The following NLRP11 variants were observed in gnomAD, a reference collection of about 807,000 sequenced individuals.
NLRP11 encodes NLR family pyrin domain containing 11, also known as NACHT, LRR and PYD domains-containing protein 11.
In NLRP11, 53 loss-of-function variants were observed where a neutral mutation model predicts 79.3. The observed-to-expected ratio is 0.67, with a 90% CI of 0.54 to 0.84. The LOEUF is 0.84. Among genes scored for constraint, NLRP11 ranks in the 40% least tolerant of loss-of-function variants. NLRP11 has a pLI of 0.00. For synonymous variants in NLRP11, 518 were observed against 462.6 expected (o/e 1.12, Z -1.54); for missense variants, 1,264 against 1,255.0 (o/e 1.01, Z -0.11).
intron 1 of NLRP11, among the ~76,000 whole-genome samples, chr19:55,819,154 C>G (rs890473568): frequency 8.9e-5 from 13 of 146,536 alleles, no homozygotes; most frequent in African/African-American, 2.1e-4. Flanking sequence ...CACACACACA[C>G]ACACACACAC....
intron 6 of NLRP11, among the ~76,000 whole-genome samples, chr19:55,792,942 C>T (rs1011526151): frequency 7.9e-5 from 12 of 152,132 alleles, no homozygotes; most frequent in Non-Finnish European, 1.6e-4. Flanking sequence ...TTTGTGGTAT[C>T]CCGTTTTGTC....
chr19:55,822,582 G>A (rs1981865004), intron 1 of NLRP11, among the ~76,000 whole-genome samples: 1 of 152,226 alleles, frequency 6.6e-6, no homozygotes, highest in South Asian at 2.1e-4. Flanking sequence ...GAAGCAGGGC[G>A]AGGCATTGCC....
At chr19:55,807,871 C>T (rs759689198) in exon 4 of NLRP11, 2 of 1,611,842 alleles carry the variant, frequency 1.2e-6, no homozygotes, top group Non-Finnish European at 1.7e-6. Flanking sequence ...GCGAAGTTTA[C>T]AGCTAGAATG....
intron 9 of NLRP11, among the ~76,000 whole-genome samples, chr19:55,786,988 A>G (rs1256584528): frequency 1.3e-5 from 2 of 152,230 alleles, no homozygotes; most frequent in Non-Finnish European, 2.9e-5. Flanking sequence ...TAGGGTCTCC[A>G]GCATAGAGTC....
chr19:55,829,158 T>C (rs188063294), intron 1 of NLRP11, among the ~76,000 whole-genome samples: 6 of 151,070 alleles, frequency 4.0e-5, no homozygotes, highest in Admixed American at 4.0e-4. Context: ...AAGTAAGTAA[T>C]AAGAGCTTTT....
chr19:55,829,246 A>G (rs550228244), intron 1 of NLRP11, among the ~76,000 whole-genome samples: 5 of 152,046 alleles, frequency 3.3e-5, no homozygotes, highest in African/African-American at 9.6e-5. Context: ...CACTAGGCAT[A>G]AAGCTTATGG....
At chr19:55,835,981 G>A (rs183969974), upstream of NLRP11, among the ~76,000 whole-genome samples, 6 of 152,308 alleles carry the variant, frequency 3.9e-5, no homozygotes, top group East Asian at 1.9e-4. Flanking sequence ...AAAATTAGCC[G>A]GGCATGGTGG....
chr19:55,796,308 T>TCATTTCATCAAGCTGTAAGAGGAATTCAG, intron 5 of NLRP11, 58 bp from the exon 6 acceptor site: 1 of 1,312,336 alleles, frequency 7.6e-7, no homozygotes, highest in Non-Finnish European at 1.0e-6. Context: ...TCCCCTCTTT[T>TCATTTCATCAAGCTGTAAGAGGAATTCAG]AAATTAAAAA....
intron 5 of NLRP11, among the ~76,000 whole-genome samples, chr19:55,799,458 A>G (rs1979260448): frequency 6.6e-6 from 1 of 152,192 alleles, no homozygotes; most frequent in South Asian, 2.1e-4. Flanking sequence ...AGAGTCCAGG[A>G]AGATGAAAAA....
intron 1 of NLRP11, among the ~76,000 whole-genome samples, chr19:55,828,916 G>GAAAA (rs1982482899): frequency 6.6e-6 from 1 of 151,920 alleles, no homozygotes; most frequent in African/African-American, 2.4e-5. Flanking sequence ...AGATAACATA[G>GAAAA]AGAAGATTTT....
chr19:55,785,689 A>G, exon 10 of NLRP11: 1 of 1,613,966 alleles, frequency 6.2e-7, no homozygotes, highest in African/African-American at 1.3e-5. Context: ...GGGAAATTTG[A>G]AAAACATGTA....
At chr19:55,821,037 G>A (rs909404919) in intron 1 of NLRP11, among the ~76,000 whole-genome samples, 1 of 151,920 alleles carries the variant, frequency 6.6e-6, no homozygotes, top group Non-Finnish European at 1.5e-5. Context: ...TTTATGGCTT[G>A]TACAGACAAC....
At chr19:55,801,616 C>T in exon 5 of NLRP11, 1 of 1,614,050 alleles carries the variant, frequency 6.2e-7, no homozygotes, top group South Asian at 1.1e-5. Flanking sequence ...GGATGTCATG[C>T]AGAAGTGAAA....
chr19:55,830,178 C>CCT (rs1982610686), intron 1 of NLRP11, among the ~76,000 whole-genome samples: 1 of 152,066 alleles, frequency 6.6e-6, no homozygotes. Context: ...GTTTTTCCCC[C>CCT]CTAAGTGAAC....
chr19:55,793,801 T>C (rs1034871200), intron 6 of NLRP11, among the ~76,000 whole-genome samples: 8 of 151,990 alleles, frequency 5.3e-5, no homozygotes, highest in African/African-American at 1.9e-4. Context: ...ATGGGCTAGG[T>C]TTTCCTTTGT....
exon 10 of NLRP11, chr19:55,785,442 T>C (rs1386585323): frequency 1.7e-6 from 1 of 586,798 alleles, no homozygotes; most frequent in Non-Finnish European, 3.0e-6. Context: ...TATAATCCTT[T>C]TAATACTCTT....
At chr19:55,824,297 C>T (rs1302451163) in intron 1 of NLRP11, among the ~76,000 whole-genome samples, 37 of 145,030 alleles carry the variant, frequency 2.6e-4, no homozygotes, top group South Asian at 9.1e-4. Flanking sequence ...TGGTACCAGC[C>T]GCTGCAAAAT....
At chr19:55,805,533 G>T (rs1326994189) in intron 4 of NLRP11, among the ~76,000 whole-genome samples, 1 of 132,272 alleles carries the variant, frequency 7.6e-6, no homozygotes, top group Non-Finnish European at 1.5e-5. Flanking sequence ...ACTGTTTAAG[G>T]TTTTGTTTTT....
intron 2 of NLRP11, among the ~76,000 whole-genome samples, chr19:55,813,582 A>G (rs145232757): frequency 4.3e-4 from 65 of 152,350 alleles, no homozygotes; most frequent in African/African-American, 1.6e-3. Context: ...GAAAGTGAAG[A>G]AAAGAAATCA....
Sources: allele counts gnomAD v4.1 joint callset (sites outside exome capture counted in the v4.1 genomes callset), GRCh38; gene constraint gnomAD v4.1.1; transcripts MANE v1.5; gene names NCBI Gene and HGNC (gene_info 2026-07-23, HGNC 2026-07-21).